ZNF804B: variants seen among roughly 807,000 people sequenced by gnomAD.
The protein encoded by ZNF804B is zinc finger protein 804B.
A neutral mutation model predicts 101.4 loss-of-function variants in ZNF804B; 80 were observed. That is an observed-to-expected ratio of 0.79 (90% confidence interval 0.66 to 0.95). ZNF804B has a LOEUF of 0.95. Among genes scored for constraint, ZNF804B ranks in the 40% least tolerant of loss-of-function variants. ZNF804B has a pLI of 0.00. For missense variants in ZNF804B, 1,673 were observed against 1,561.9 expected (o/e 1.07, Z -1.20); for synonymous variants, 622 against 558.8 (o/e 1.11, Z -1.59).
At chr7:89,244,031 A>G (rs1408606015) in intron 2 of ZNF804B, among the ~76,000 whole-genome samples, 1 of 152,006 alleles carries the variant, frequency 6.6e-6, no homozygotes, top group African/African-American at 2.4e-5. Context: ...CTATTTTACT[A>G]CCCCTTTAAA....
intron 2 of ZNF804B, among the ~76,000 whole-genome samples, chr7:89,223,384 C>T (rs543515134): frequency 6.3e-4 from 95 of 151,924 alleles, no homozygotes; most frequent in African/African-American, 2.1e-3. Context: ...AGGATCCCAC[C>T]GCTTAATAAG....
intron 1 of ZNF804B, among the ~76,000 whole-genome samples, chr7:89,046,676 T>A (rs1158054175): frequency 6.6e-6 from 1 of 152,078 alleles, no homozygotes; most frequent in Non-Finnish European, 1.5e-5. Flanking sequence ...TCTTGAAAAT[T>A]TTGATTTTGA....
At chr7:89,035,908 A>G (rs1788918696) in intron 1 of ZNF804B, among the ~76,000 whole-genome samples, 1 of 145,042 alleles carries the variant, frequency 6.9e-6, no homozygotes, top group Non-Finnish European at 1.5e-5. Context: ...TTATATATTT[A>G]TATATTATAT....
chr7:88,880,279 G>C (rs1792012653), intron 1 of ZNF804B, among the ~76,000 whole-genome samples: 1 of 152,174 alleles, frequency 6.6e-6, no homozygotes. Flanking sequence ...ATCAGTTTCA[G>C]CTTTTGCTGA....
chr7:89,080,400 G>T (rs1277923846), intron 1 of ZNF804B, among the ~76,000 whole-genome samples: 2 of 151,972 alleles, frequency 1.3e-5, no homozygotes, highest in Middle Eastern at 3.4e-3. Flanking sequence ...ATTTGCACTA[G>T]TTATATTTAG....
chr7:88,823,475 T>C (rs1791012825), intron 1 of ZNF804B, among the ~76,000 whole-genome samples: 1 of 152,080 alleles, frequency 6.6e-6, no homozygotes, highest in South Asian at 2.1e-4. Context: ...GATGCCACAA[T>C]TCAAGATGGG....
chr7:89,239,658 G>A (rs117098410), intron 2 of ZNF804B, among the ~76,000 whole-genome samples: 1,996 of 152,130 alleles, frequency 0.013, 16 homozygotes, highest in Non-Finnish European at 0.02. Flanking sequence ...CACATCGATA[G>A]ACCCATTTAT....
intron 1 of ZNF804B, among the ~76,000 whole-genome samples, chr7:88,824,186 A>G (rs1350412946): frequency 6.6e-6 from 1 of 152,152 alleles, no homozygotes; most frequent in Non-Finnish European, 1.5e-5. Flanking sequence ...TGAGGGTGAT[A>G]TGGTTTGCCT....
rs563350202 is a variant in ZNF804B at position 89,237,682 on chromosome 7, A to G, written c.249+19387A>G. On this transcript the variant is annotated intron_variant, in intron 2 of 3. Coordinates refer to ENST00000333190, the MANE Select transcript of ZNF804B (RefSeq NM_181646.5). ...TCAGAACTGTCAATCTTAGGTTCAC[A>G]GCTGGGTGTGCTCCAGAGAAACTGG... Among the ~76,000 whole-genome samples, 13 of 152,308 alleles carry G rather than the reference A, an allele frequency of 8.5e-5. No homozygotes were observed. The South Asian group carries it at 2.7e-3, about 32-fold the overall frequency.
At chr7:89,333,202 A>G (rs1437192738) in intron 3 of ZNF804B, among the ~76,000 whole-genome samples, 161 bp from the exon 4 acceptor site, 2 of 152,030 alleles carry the variant, frequency 1.3e-5, no homozygotes, top group Non-Finnish European at 1.5e-5. Context: ...CCACTATACA[A>G]TTTATGCTAA....
chr7:89,083,316 TATC>T (rs1294972754), intron 1 of ZNF804B, among the ~76,000 whole-genome samples: 10 of 151,824 alleles, frequency 6.6e-5, no homozygotes, highest in Non-Finnish European at 1.3e-4. Flanking sequence ...CTTTCTGAAA[TATC>T]ATGAGCTCTA....
At chr7:88,991,470 G>C (rs1793845604) in intron 1 of ZNF804B, among the ~76,000 whole-genome samples, 1 of 152,166 alleles carries the variant, frequency 6.6e-6, no homozygotes, top group South Asian at 2.1e-4. Flanking sequence ...CTCTGGAGGG[G>C]ATCCTTCCCG....
At chr7:88,819,040 C>A (rs1790930820) in intron 1 of ZNF804B, among the ~76,000 whole-genome samples, 1 of 152,168 alleles carries the variant, frequency 6.6e-6, no homozygotes, top group African/African-American at 2.4e-5. Flanking sequence ...TAAACAGCAG[C>A]AGGAGATAGT....
intron 1 of ZNF804B, among the ~76,000 whole-genome samples, chr7:88,921,598 A>C (rs1792720055): frequency 6.6e-6 from 1 of 152,120 alleles, no homozygotes; most frequent in Non-Finnish European, 1.5e-5. Flanking sequence ...TGGACCACCT[A>C]ATAAAACATT....
intron 2 of ZNF804B, among the ~76,000 whole-genome samples, chr7:89,297,576 C>T (rs1024767783): frequency 6.6e-6 from 1 of 151,974 alleles, no homozygotes; most frequent in African/African-American, 2.4e-5. Context: ...AGAACTTTGA[C>T]ATTTCTGAGC....
chr7:88,934,000 A>G (rs1039763333), intron 1 of ZNF804B, among the ~76,000 whole-genome samples: 4 of 151,832 alleles, frequency 2.6e-5, no homozygotes, highest in Non-Finnish European at 5.9e-5. Context: ...GAGGCATCAC[A>G]TTACCCAACT....
intron 2 of ZNF804B, among the ~76,000 whole-genome samples, chr7:89,247,932 T>G (rs967752668): frequency 3.3e-5 from 5 of 152,130 alleles, no homozygotes; most frequent in Non-Finnish European, 7.4e-5. Flanking sequence ...ATTGAAAAAC[T>G]CACTTAAAGG....
Position 89,309,630 on chromosome 7 carries a change from C to T in ZNF804B, c.250-17714C>T, listed in dbSNP as rs543519319. 6.6e-5 allele frequency among the ~76,000 whole-genome samples: 10 copies of T among 151,658 alleles called. No homozygotes were observed. The East Asian group carries it at 1.8e-3, about 27-fold the overall frequency. ...CAAAAATTAGTCGGGTGTGGTGGCA[C>T]ACACCTGTAGTCCCAGCTACTTGGG... On this transcript the variant is annotated intron_variant, in intron 2 of 3. Coordinates refer to ENST00000333190, the MANE Select transcript of ZNF804B (RefSeq NM_181646.5).
At chr7:88,849,145 G>T (rs114667210) in intron 1 of ZNF804B, among the ~76,000 whole-genome samples, 1,667 of 152,110 alleles carry the variant, frequency 0.011, 27 homozygotes, top group African/African-American at 0.038. Flanking sequence ...TCTTGGGTAT[G>T]TACACTTAGT....
Sources: allele counts gnomAD v4.1 joint callset (sites outside exome capture counted in the v4.1 genomes callset), GRCh38; gene constraint gnomAD v4.1.1; transcripts MANE v1.5; gene names NCBI Gene and HGNC (gene_info 2026-07-23, HGNC 2026-07-21).